Variants in CARMIL1 observed in about 807,000 individuals in gnomAD.
CARMIL1 encodes the protein capping protein regulator and myosin 1 linker 1.
CARMIL1 carries 90 observed loss-of-function variants against 177.1 expected under a neutral mutation model. The ratio of observed to expected loss-of-function variants is 0.51; its 90% CI spans 0.43 to 0.61. The LOEUF (loss-of-function observed/expected upper bound fraction) is 0.61. Among genes scored for constraint, CARMIL1 ranks in the 20% least tolerant of loss-of-function variants. The pLI is 0.00. For missense variants in CARMIL1, 1,380 were observed against 1,667.0 expected, an observed-to-expected ratio of 0.83 and a Z score of 3.00; for synonymous variants, 577 against 606.2, an observed-to-expected ratio of 0.95 and a Z score of 0.71.
At chr6:25,322,883 C>G (rs1016229410) in intron 2 of CARMIL1, among the ~76,000 whole-genome samples, 7 of 152,274 alleles carry the variant, frequency 4.6e-5, no homozygotes, top group African/African-American at 1.7e-4. Context: ...TGGCATTCCG[C>G]ACAGTCTGAG....
At chr6:25,351,036 A>C (rs1191623705) in intron 2 of CARMIL1, among the ~76,000 whole-genome samples, 6 of 152,166 alleles carry the variant, frequency 3.9e-5, no homozygotes, top group Admixed American at 3.9e-4. Context: ...ATCATTATAG[A>C]AACATGGAAG....
intron 35 of CARMIL1, 83 bp downstream of exon 35, chr6:25,606,356 A>G: frequency 1.5e-6 from 2 of 1,327,158 alleles, no homozygotes; most frequent in Non-Finnish European, 2.1e-6. Flanking sequence ...AGGTGGTTTC[A>G]GGGGCAGCTG....
At chr6:25,469,255 C>T (rs1800893380) in intron 9 of CARMIL1, among the ~76,000 whole-genome samples, 1 of 152,168 alleles carries the variant, frequency 6.6e-6, no homozygotes, top group African/African-American at 2.4e-5. Flanking sequence ...TGCTGTGGTA[C>T]TTGGGGTGTA....
intron 29 of CARMIL1, 134 bp downstream of exon 29, chr6:25,556,984 A>G (rs1810683191): frequency 7.4e-6 from 7 of 949,920 alleles, no homozygotes; most frequent in Non-Finnish European, 1.1e-5. Context: ...CAATTCTTTC[A>G]GAAAAGTCCT....
intron 29 of CARMIL1, chr6:25,563,703 A>G (rs893411303): frequency 7.1e-6 from 7 of 985,288 alleles, no homozygotes; most frequent in Non-Finnish European, 7.2e-6. Context: ...CTTGCTAGGA[A>G]TGGAAGGTGA....
At chr6:25,303,699 C>T (rs1162141502) in intron 2 of CARMIL1, among the ~76,000 whole-genome samples, 3 of 152,212 alleles carry the variant, frequency 2.0e-5, no homozygotes, top group Non-Finnish European at 4.4e-5. Flanking sequence ...TCTGCTTTAA[C>T]GCTGTACAAA....
intron 13 of CARMIL1, among the ~76,000 whole-genome samples, chr6:25,490,534 C>CA (rs1803097383): frequency 6.6e-6 from 1 of 151,778 alleles, no homozygotes; most frequent in Admixed American, 6.6e-5. Context: ...CCTGTCTCTA[C>CA]AAAAAATACA....
At chr6:25,441,375 A>ATG (rs1054388977) in intron 5 of CARMIL1, among the ~76,000 whole-genome samples, 319 of 69,074 alleles carry the variant, frequency 4.6e-3, no homozygotes, top group African/African-American at 0.014. Flanking sequence ...GTGTGTGTCT[A>ATG]TGTGTGTGTG....
intron 31 of CARMIL1, among the ~76,000 whole-genome samples, chr6:25,586,578 C>G (rs1244751294): frequency 1.3e-5 from 2 of 151,880 alleles, no homozygotes; most frequent in African/African-American, 2.4e-5. Flanking sequence ...GCTGCAATCT[C>G]GGCACTTTGG....
intron 11 of CARMIL1, among the ~76,000 whole-genome samples, chr6:25,482,005 A>G (rs185145794): frequency 3.9e-5 from 6 of 152,366 alleles, no homozygotes; most frequent in South Asian, 4.1e-4. Context: ...CGTGGCCCCA[A>G]GAAAAGTATC....
At chr6:25,517,439 T>C (rs896826349) in intron 22 of CARMIL1, 24 bp downstream of exon 22, 3 of 1,598,718 alleles carry the variant, frequency 1.9e-6, no homozygotes, top group Admixed American at 3.3e-5. Context: ...AGGATTTCTT[T>C]CTAGGAAAAT....
intron 2 of CARMIL1, among the ~76,000 whole-genome samples, chr6:25,330,729 T>C (rs923375179): frequency 3.3e-5 from 5 of 149,968 alleles, no homozygotes; most frequent in Non-Finnish European, 7.4e-5. Flanking sequence ...GGATCTGGAG[T>C]GGCACAAGCC....
intron 2 of CARMIL1, among the ~76,000 whole-genome samples, chr6:25,299,410 G>C (rs1377540145): frequency 1.3e-5 from 2 of 151,728 alleles, no homozygotes; most frequent in African/African-American, 4.8e-5. Context: ...GACCTCAGGT[G>C]ATCTGCCCGC....
chr6:25,608,687 C>T (rs571650377), intron 35 of CARMIL1, among the ~76,000 whole-genome samples: 3 of 152,342 alleles, frequency 2.0e-5, no homozygotes, highest in African/African-American at 7.2e-5. Context: ...TTCCTCTCCG[C>T]CACAGCTCTG....
At chr6:25,381,917 G>A (rs1335665606) in intron 2 of CARMIL1, among the ~76,000 whole-genome samples, 1 of 151,934 alleles carries the variant, frequency 6.6e-6, no homozygotes, top group South Asian at 2.1e-4. Context: ...GGTTCCCCTG[G>A]CAACCACCAG....
intron 1 of CARMIL1, 41 bp from the exon 2 acceptor site, chr6:25,284,771 C>CT (rs758090717): frequency 1.7e-6 from 2 of 1,186,044 alleles, no homozygotes; most frequent in South Asian, 1.4e-5. Flanking sequence ...CTCCTCAGTG[C>CT]TTTTTTTCTT....
intron 2 of CARMIL1, among the ~76,000 whole-genome samples, chr6:25,296,869 C>A (rs1782399826): frequency 6.6e-6 from 1 of 150,460 alleles, no homozygotes; most frequent in Non-Finnish European, 1.5e-5. Flanking sequence ...ATTCCAGCTC[C>A]TTTTCTTATA....
intron 34 of CARMIL1, among the ~76,000 whole-genome samples, chr6:25,605,564 T>A (rs1213060198): frequency 6.6e-6 from 1 of 152,120 alleles, no homozygotes; most frequent in Non-Finnish European, 1.5e-5. Context: ...AGGTGGGGGA[T>A]GAGATGACAT....
At position 25,567,888 on chromosome 6, in the gene CARMIL1, C is replaced by T. The variant is rs562995774; in HGVS notation, c.2742+11038C>T. Among the ~76,000 whole-genome samples the T allele has an allele frequency of 2.0e-5, 3 of 152,310 alleles. No individual in the cohort carries two copies. In the East Asian group the frequency reaches 5.8e-4, roughly 29 times the overall value. The stretch of plus-strand genomic sequence containing the variant: ...CTTCATTCTTCAGCTCACATGTAGA[C>T]ATTCAGAGAGTGAAATGGGCCTGTC... On this transcript the variant is annotated intron_variant, in intron 29 of 36. Coordinates refer to ENST00000329474, the MANE Select transcript of CARMIL1 (RefSeq NM_017640.6).
Sources: allele counts gnomAD v4.1 joint callset (sites outside exome capture counted in the v4.1 genomes callset), GRCh38; gene constraint gnomAD v4.1.1; transcripts MANE v1.5; gene names NCBI Gene and HGNC (gene_info 2026-07-23, HGNC 2026-07-21).